The following MSANTD4 variants were observed in gnomAD, a reference collection of about 807,000 sequenced individuals.
MSANTD4 encodes Myb/SANT DNA binding domain containing 4 with coiled-coils.
Under a neutral mutation model 34.3 loss-of-function variants are expected in MSANTD4, and 13 were observed. The observed-to-expected ratio is 0.38, with a 90% confidence interval of 0.25 to 0.60. The LOEUF (loss-of-function observed/expected upper bound fraction) is 0.60, where lower values mean the gene tolerates loss of function less well. Among genes scored for constraint, MSANTD4 ranks in the 20% least tolerant of loss-of-function variants. The probability of loss-of-function intolerance (pLI) is 0.63; values close to 1 mark genes in which losing one functional copy is unlikely to be tolerated. For missense variants in MSANTD4, 358 were observed against 401.8 expected (o/e 0.89, Z 0.93); for synonymous variants, 137 against 145.2 (o/e 0.94, Z 0.41).
chr11:106,011,584 T>C (rs1410299961), intron 1 of MSANTD4, among the ~76,000 whole-genome samples: 4 of 152,170 alleles, frequency 2.6e-5, no homozygotes, highest in Non-Finnish European at 4.4e-5. Context: ...GCAGGACTCT[T>C]CCTAGACTGG....
At chr11:106,011,968 A>T (rs1037123330) in intron 1 of MSANTD4, among the ~76,000 whole-genome samples, 1 of 152,152 alleles carries the variant, frequency 6.6e-6, no homozygotes, top group Non-Finnish European at 1.5e-5. Context: ...AGGTTAATAA[A>T]CCAACACAGA....
At chr11:106,020,677 C>T (rs1235957442) in intron 1 of MSANTD4, among the ~76,000 whole-genome samples, 2 of 152,170 alleles carry the variant, frequency 1.3e-5, no homozygotes, top group African/African-American at 4.8e-5. Flanking sequence ...TTTGCAGGGC[C>T]TATTTTTGAC....
At chr11:106,016,058 A>G (rs539597978) in intron 1 of MSANTD4, among the ~76,000 whole-genome samples, 13 of 152,246 alleles carry the variant, frequency 8.5e-5, no homozygotes, top group African/African-American at 3.1e-4. Flanking sequence ...AGGTCTTGCT[A>G]TGTTGTCCAG....
At position 106,010,672 on chromosome 11, in the gene MSANTD4, T is replaced by C; in HGVS notation, c.246A>G (p.Arg82=). 1 of 1,614,130 alleles carries C rather than the reference T, an allele frequency of 6.2e-7. No homozygotes were observed. Among genetic ancestry groups the C allele is most frequent in the East Asian group, 2.2e-5 (1 of 44,882 alleles). ...GCTTAATGTTGGCCTTCATCCTCTTTCTCTTCATAAGTGCTCGCCAGTCAA... is the reference window on the plus strand; with the variant it reads ...GCTTAATGTTGGCCTTCATCCTCTTCCTCTTCATAAGTGCTCGCCAGTCAA... The part of the protein sequence containing the change: ...RYLDWRALMK[R]KRMKANIKLV... The change falls in exon 2 of 3, where the codon AGA becomes AGG. Residue 82 remains arginine, a synonymous_variant. Transcript: ENST00000301919.
At position 106,009,477 on chromosome 11, in the gene MSANTD4, C is replaced by T. The variant is rs1366968999; in HGVS notation, c.*58G>A. 4.1e-6 allele frequency: 6 copies of T among 1,477,488 alleles called. No individual in the cohort carries two copies. In the East Asian group the frequency reaches 1.1e-4, roughly 28 times the overall value. The allele number at this position is 1,477,488 out of a possible 1,614,324, so 91.5% of individuals were successfully genotyped here. A position where few individuals can be genotyped will look rare whatever the true frequency, so the allele number is the denominator to read the frequency against. ...TAATCCAGCAACCATCATTATATCA[C>T]CTGATATGAGAAAAATCTAGAGTTT... On this transcript the variant is annotated 3_prime_UTR_variant, in exon 3 of 3. Coordinates refer to ENST00000301919, the MANE Select transcript of MSANTD4 (RefSeq NM_032424.3).
At chr11:106,015,065 T>C (rs768064800) in intron 1 of MSANTD4, among the ~76,000 whole-genome samples, 28 of 152,178 alleles carry the variant, frequency 1.8e-4, no homozygotes, top group Admixed American at 2.0e-4. Context: ...TAACCAACAA[T>C]AGCACTCTTG....
chr11:106,010,793 A>G lies in MSANTD4; in HGVS notation c.125T>C (p.Val42Ala). The change falls in exon 2 of 3, where the codon GTG becomes GCG. Residue 42 changes from valine (V) to alanine (A), a missense_variant. Around this residue, in one of 2 missense-constraint regions of MSANTD4, gnomAD observed 46 missense variants for 84.3 expected, o/e 0.55. Coordinates refer to ENST00000301919, the MANE Select transcript of MSANTD4 (RefSeq NM_032424.3). ...FSKQLNTTIN[V>A]MKRMAWEEIA... ...CTCTTCCCAAGCCATTCGCTTCATCACATTAATTGTTGTATTGAGCTGCTT... is the reference window on the plus strand; with the variant it reads ...CTCTTCCCAAGCCATTCGCTTCATCGCATTAATTGTTGTATTGAGCTGCTT... 6.2e-7 allele frequency: 1 copy of G among 1,614,108 alleles called. No individual in the cohort carries two copies. The highest frequency in any genetic ancestry group is 8.5e-7 in the Non-Finnish European group (1 of 1,180,028).
chr11:106,012,290 C>T (rs1254069398), intron 1 of MSANTD4, among the ~76,000 whole-genome samples: 2 of 152,154 alleles, frequency 1.3e-5, no homozygotes, highest in African/African-American at 4.8e-5. Context: ...CCATCCTCCC[C>T]TCCCTTAAAC....
Sources: allele counts gnomAD v4.1 joint callset (sites outside exome capture counted in the v4.1 genomes callset), GRCh38; gene constraint gnomAD v4.1.1; regional missense constraint gnomAD v4.1.1; transcripts MANE v1.5; gene names NCBI Gene and HGNC (gene_info 2026-07-23, HGNC 2026-07-21).